DENND2C: variants seen among roughly 807,000 people sequenced by gnomAD.
DENND2C encodes the protein DENN domain containing 2C.
DENND2C carries 72 observed loss-of-function variants against 112.4 expected under a neutral mutation model. That is an observed-to-expected ratio of 0.64 (90% CI 0.53 to 0.78). The LOEUF is 0.78. DENND2C is among the 30% of genes least tolerant of loss of function. The probability of loss-of-function intolerance (pLI) is 0.00; values close to 1 mark genes in which losing one functional copy is unlikely to be tolerated. For missense variants in DENND2C, 992 were observed against 1,113.8 expected (o/e 0.89, Z 1.56); for synonymous variants, 329 against 381.6 (o/e 0.86, Z 1.61).
chr1:114,619,799 C>CA (rs1172909418), intron 7 of DENND2C, among the ~76,000 whole-genome samples: 41 of 152,020 alleles, frequency 2.7e-4, no homozygotes, highest in Non-Finnish European at 5.7e-4. Context: ...AAAGTAGAAT[C>CA]AAAAGTATAT....
At chr1:114,635,022 C>T (rs1481952764) in intron 3 of DENND2C, among the ~76,000 whole-genome samples, 7 of 127,292 alleles carry the variant, frequency 5.5e-5, no homozygotes, top group African/African-American at 1.1e-4. Flanking sequence ...AGTGAGACTC[C>T]GTCTAAAAAA....
At chr1:114,588,393 T>G (rs574433223) in intron 18 of DENND2C, 1 of 158,628 alleles carries the variant, frequency 6.3e-6, no homozygotes, top group East Asian at 1.9e-4. Context: ...AAAGCAGTTA[T>G]TTTTCTCTTG....
chr1:114,613,219 G>A (rs960319301), intron 8 of DENND2C, among the ~76,000 whole-genome samples: 7 of 152,148 alleles, frequency 4.6e-5, no homozygotes, highest in Non-Finnish European at 7.3e-5. Flanking sequence ...TGTTGATACT[G>A]AAAGAGCTCT....
At chr1:114,632,966 C>T (rs897234056) in intron 3 of DENND2C, among the ~76,000 whole-genome samples, 1 of 151,946 alleles carries the variant, frequency 6.6e-6, no homozygotes, top group Non-Finnish European at 1.5e-5. Flanking sequence ...AAAAATGGTA[C>T]TTGTGGATAA....
intron 3 of DENND2C, among the ~76,000 whole-genome samples, chr1:114,642,649 G>A (rs1656873240): frequency 6.6e-6 from 1 of 152,134 alleles, no homozygotes; most frequent in Non-Finnish European, 1.5e-5. Context: ...ACCCCATGAG[G>A]TAGATACTAC....
chr1:114,649,165 G>C lies in DENND2C; in HGVS notation c.-316-3606C>G, dbSNP rs371572018. ...AGACAGGGTTTCAGCATGTTGACCA[G>C]GCTGATCTCAAACTCCTGACCTCAA... On this transcript the variant is annotated intron_variant, in intron 2 of 20. Coordinates refer to ENST00000393274, the MANE Select transcript of DENND2C (RefSeq NM_001256404.2). Among the ~76,000 whole-genome samples the C allele has an allele frequency of 1.3e-3, 193 of 152,084 alleles. 1 individual carries two copies. The highest frequency in any genetic ancestry group is 4.3e-3 in the African/African-American group (178 of 41,502).
chr1:114,587,344 G>A (rs1319498430), intron 20 of DENND2C, 43 bp downstream of exon 20: 2 of 1,607,518 alleles, frequency 1.2e-6, no homozygotes, highest in East Asian at 2.2e-5. Flanking sequence ...ACCGCGCCTG[G>A]TCTTCAGCCA....
chr1:114,635,403 A>G (rs891682162), intron 3 of DENND2C, among the ~76,000 whole-genome samples: 3 of 152,204 alleles, frequency 2.0e-5, no homozygotes, highest in African/African-American at 7.2e-5. Flanking sequence ...CTTTGAAAAC[A>G]TTAGTAAATT....
rs1654949491 is a variant in DENND2C, at chr1:114,583,337, C to A, written c.*2263G>T. 1 of 151,144 alleles carries A rather than the reference C, an allele frequency of 6.6e-6. No individual in the cohort carries two copies. The highest frequency in any genetic ancestry group is 2.1e-4 in the South Asian group (1 of 4,758). The allele number at this position is 151,144 out of a possible 1,614,324, so 9.4% of individuals were successfully genotyped here. A position where few individuals can be genotyped will look rare whatever the true frequency, so the allele number is the denominator to read the frequency against. ...TACTGTACAAGTCAATAAACTGTAT[C>A]ACAATACAACTTACACAGTTTTGTA... On this transcript the variant is annotated 3_prime_UTR_variant, in exon 21 of 21. Coordinates refer to ENST00000393274, the MANE Select transcript of DENND2C (RefSeq NM_001256404.2).
At chr1:114,601,457 T>G (rs748781353) in intron 13 of DENND2C, 51 bp downstream of exon 13, 76 of 1,557,130 alleles carry the variant, frequency 4.9e-5, no homozygotes, top group Admixed American at 3.7e-4. Flanking sequence ...CCACTTAATA[T>G]TAAGAGCTCA....
chr1:114,669,646 C>T (rs1657734996), intron 1 of DENND2C, among the ~76,000 whole-genome samples: 1 of 152,158 alleles, frequency 6.6e-6, no homozygotes, highest in Non-Finnish European at 1.5e-5. Context: ...CCGGGCGCTC[C>T]CTCCCTCTTC....
intron 1 of DENND2C, among the ~76,000 whole-genome samples, chr1:114,663,951 CTTTTT>C (rs538184910): frequency 2.3e-5 from 3 of 131,002 alleles, no homozygotes. Context: ...TACTGCTATT[CTTTTT>C]TTTTTTTTTT....
At position 114,587,609 on chromosome 1, in the gene DENND2C, T is replaced by C; in HGVS notation, c.2668+107A>G. On this transcript the variant is annotated intron_variant, in intron 19 of 20. Coordinates refer to ENST00000393274, the MANE Select transcript of DENND2C (RefSeq NM_001256404.2). ...CAAAATAATTCTCATAATAAACAAC[T>C]CAGATTTTAAGCCCTTGTCGCTTTA... is the stretch of plus-strand genomic sequence containing the variant. The C allele has an allele frequency of 4.9e-6, 7 of 1,414,918 alleles. No homozygotes were observed. In the East Asian group the frequency reaches 1.6e-4, roughly 33 times the overall value. The allele number at this position is 1,414,918 out of a possible 1,614,324, so 87.6% of individuals were successfully genotyped here. A position where few individuals can be genotyped will look rare whatever the true frequency, so the allele number is the denominator to read the frequency against.
intron 1 of DENND2C, among the ~76,000 whole-genome samples, chr1:114,669,538 A>T (rs1223775615): frequency 1.3e-5 from 2 of 152,146 alleles, no homozygotes; most frequent in Non-Finnish European, 2.9e-5. Context: ...TCAAAACACC[A>T]AAAAAAGCAA....
chr1:114,623,511 G>C lies in DENND2C; in HGVS notation c.939C>G (p.Ile313Met). Residue 313 changes from isoleucine to methionine, a missense_variant, in exon 5 of 21, where the codon ATC becomes ATG. Physicochemically the swap from Ile to Met is conservative, Grantham distance 10. This residue lies in a region of DENND2C where 470 missense variants were observed against 472.7 expected (regional missense o/e 0.99). Coordinates refer to ENST00000393274, the MANE Select transcript of DENND2C (RefSeq NM_001256404.2). ...TQSEDNIYED[I>M]IYPTKENPYE... ...TGCAAAGTTGTCAACACCTACATATGATATCTTCATAGATATTGTCCTCAG... is the reference window on the plus strand; with the variant it reads ...TGCAAAGTTGTCAACACCTACATATCATATCTTCATAGATATTGTCCTCAG... 1.2e-6 allele frequency: 2 copies of C among 1,601,096 alleles called. No individual in the cohort carries two copies. Among genetic ancestry groups the C allele is most frequent in the Non-Finnish European group, 8.5e-7 (1 of 1,174,754 alleles).
intron 18 of DENND2C, 138 bp downstream of exon 18, chr1:114,594,335 G>T: frequency 1.5e-6 from 1 of 674,406 alleles, no homozygotes; most frequent in East Asian, 2.6e-5. Flanking sequence ...GGATAAGCAA[G>T]GAAGCTGATT....
intron 8 of DENND2C, among the ~76,000 whole-genome samples, chr1:114,612,378 G>T (rs1445789536): frequency 6.7e-6 from 1 of 150,258 alleles, no homozygotes; most frequent in East Asian, 1.9e-4. Flanking sequence ...TTGAGACAGG[G>T]TCTCACTCTG....
chr1:114,655,893 T>TATATATAC (rs1461968351), intron 1 of DENND2C, among the ~76,000 whole-genome samples: 2 of 146,238 alleles, frequency 1.4e-5, no homozygotes, highest in Non-Finnish European at 3.0e-5. Flanking sequence ...AATATATATA[T>TATATATAC]ATATATAATA....
intron 2 of DENND2C, among the ~76,000 whole-genome samples, chr1:114,649,867 T>G (rs1337678269): frequency 6.6e-6 from 1 of 152,086 alleles, no homozygotes; most frequent in Non-Finnish European, 1.5e-5. Flanking sequence ...ATTTTGAAAA[T>G]AGAGGAAACA....
Sources: allele counts gnomAD v4.1 joint callset (sites outside exome capture counted in the v4.1 genomes callset), GRCh38; gene constraint gnomAD v4.1.1; regional missense constraint gnomAD v4.1.1; transcripts MANE v1.5; gene names NCBI Gene and HGNC (gene_info 2026-07-23, HGNC 2026-07-21).